RINL: variants seen among roughly 807,000 people sequenced by gnomAD.
The protein encoded by RINL is ras and Rab interactor-like protein.
Under a neutral mutation model 58.1 loss-of-function variants are expected in RINL, and 39 were observed. The ratio of observed to expected loss-of-function variants is 0.67; its 90% CI spans 0.52 to 0.88. RINL has a LOEUF of 0.88. Among genes scored for constraint, RINL ranks in the 40% least tolerant of loss-of-function variants. The pLI is 0.00. For missense variants in RINL, 711 were observed against 749.2 expected (o/e 0.95, Z 0.60); for synonymous variants, 286 against 323.1 (o/e 0.89, Z 1.23).
chr19:38,870,581 T>C lies in RINL; in HGVS notation c.1013A>G (p.Asp338Gly). The C allele has an allele frequency of 1.3e-6, 2 of 1,571,340 alleles. No individual in the cohort carries two copies. The highest frequency in any genetic ancestry group is 2.3e-5 in the South Asian group (2 of 85,846). ...AGTCCTCCCATTACCTGGATCCTCG[T>C]CCTTCTTGGGGAGCCCAGGACCCCT... ...GSRGPGLPKK[D>G]EDPGPALETA... Residue 338 changes from aspartate to glycine, a missense_variant, in exon 8 of 12, where the codon GAC becomes GGC. By Grantham distance (94) the Asp-to-Gly change is moderately conservative (BLOSUM62 -1). Transcript: ENST00000591812. The surrounding 1 kb of genome is among the most constrained non-coding windows in gnomAD (Gnocchi z 5.8).
At position 38,871,159 on chromosome 19, in the gene RINL, A is replaced by G. The variant is rs866790293; in HGVS notation, c.520T>C (p.Tyr174His). The G allele has an allele frequency of 6.2e-7, 1 of 1,613,664 alleles. No individual in the cohort carries two copies. The highest frequency in any genetic ancestry group is 8.5e-7 in the Non-Finnish European group (1 of 1,179,662). ...CCCCAGCCTCTGTGGGTCTCCAGGTAGAGCTGGTTCACAATGGAAAGCACC... is the reference window on the plus strand; with the variant it reads ...CCCCAGCCTCTGTGGGTCTCCAGGTGGAGCTGGTTCACAATGGAAAGCACC... ...GKVLSIVNQL[Y>H]LETHRGWGRE... Residue 174 changes from tyrosine to histidine, a missense_variant, in exon 7 of 12, where the codon TAC becomes CAC. Tyr to His is a moderately conservative substitution (Grantham distance 83, BLOSUM62 2). Coordinates refer to ENST00000591812, the MANE Select transcript of RINL (RefSeq NM_001195833.2).
At chr19:38,876,296 G>T (rs1204274359) in intron 3 of RINL, 35 bp downstream of exon 3, 7 of 1,520,832 alleles carry the variant, frequency 4.6e-6, no homozygotes, top group Non-Finnish European at 6.2e-6. Context: ...CCTAATCTAG[G>T]GTGTCAGGAT....
chr19:38,870,053 T>A lies in RINL; in HGVS notation c.1232A>T (p.His411Leu), dbSNP rs754247587. 1.3e-6 allele frequency: 2 copies of A among 1,538,504 alleles called. No homozygotes were observed. The highest frequency in any genetic ancestry group is 2.4e-5 in the South Asian group (2 of 83,880). ...SPAPALRSRIHERLAHLHAAC... is the reference protein window; with the variant it reads ...SPAPALRSRILERLAHLHAAC... ...AGCGTGGAGGTGCGCAAGGCGCTCG[T>A]GGATGCGGCTCCGCAAGGCGGGGGC... The change falls in exon 9 of 12, where the codon CAC (histidine) becomes CTC (leucine). Residue 411 changes from histidine (H) to leucine (L), a missense_variant. Coordinates refer to ENST00000591812, the MANE Select transcript of RINL (RefSeq NM_001195833.2). The surrounding 1 kb of genome is among the most constrained non-coding windows in gnomAD (Gnocchi z 5.8).
At chr19:38,874,339 C>T (rs928760187) in intron 3 of RINL, among the ~76,000 whole-genome samples, 3 of 151,982 alleles carry the variant, frequency 2.0e-5, no homozygotes, top group African/African-American at 7.3e-5. Context: ...GTGGCACAAT[C>T]TCTGCCCACT....
intron 4 of RINL, 93 bp from the exon 5 acceptor site, chr19:38,871,963 TC>T (rs879910688): frequency 6.3e-6 from 6 of 955,150 alleles, no homozygotes; most frequent in Admixed American, 2.0e-5. Context: ...TCCTTCAGAA[TC>T]CCCCCAGGGA....
rs751977959 is a variant in RINL at position 38,871,066 on chromosome 19, C to T, written c.601+12G>A. On this transcript the variant is annotated intron_variant, in intron 7 of 11. Coordinates refer to ENST00000591812, the MANE Select transcript of RINL (RefSeq NM_001195833.2). ...CCTCCCCTTCAGAGGCCCAGGGCCC[C>T]GCCCAGCTAACCTGGATCATGTCTC... 1.9e-6 allele frequency: 3 copies of T among 1,586,708 alleles called. No homozygotes were observed. Among genetic ancestry groups the T allele is most frequent in the Non-Finnish European group, 2.6e-6 (3 of 1,167,392 alleles).
chr19:38,869,368 A>C lies in RINL; in HGVS notation c.1517T>G (p.Ile506Ser). Residue 506 changes from isoleucine (I) to serine (S), a missense_variant, in exon 11 of 12, where the codon ATT becomes AGT. Transcript: ENST00000591812. This position sits in a 1 kb window ranked among gnomAD's most constrained non-coding sequence, Gnocchi z 5.7. ...GTCTGTTTCGGGCTGGTAGTGGGCA[A>C]TGTGGTGCAGCGCCCCAAACCACGT... ...LTTWFGALHH[I>S]AHYQPETDRA... 1.2e-6 allele frequency: 2 copies of C among 1,612,464 alleles called. No individual in the cohort carries two copies. Among genetic ancestry groups the C allele is most frequent in the Non-Finnish European group, 8.5e-7 (1 of 1,178,928 alleles).
In RINL at chr19:38,870,420, G is replaced by T; in HGVS notation, c.1024+150C>A. 9.5e-7 allele frequency: 1 copy of T among 1,049,052 alleles called. No individual in the cohort carries two copies. The highest frequency in any genetic ancestry group is 1.3e-6 in the Non-Finnish European group (1 of 749,416). The allele number at this position is 1,049,052 out of a possible 1,614,324, so 65.0% of individuals were successfully genotyped here. ...GAACATGTGTGGAAGAGTTAGCCTG[G>T]GTGTGAACTTGCGCGCATACGTGGG... On this transcript the variant is annotated intron_variant, in intron 8 of 11. Coordinates refer to ENST00000591812, the MANE Select transcript of RINL (RefSeq NM_001195833.2). This position sits in a 1 kb window ranked among gnomAD's most constrained non-coding sequence, Gnocchi z 5.8.
intron 3 of RINL, among the ~76,000 whole-genome samples, chr19:38,875,212 T>C (rs1972896049): frequency 1.3e-5 from 2 of 148,902 alleles, no homozygotes; most frequent in South Asian, 2.1e-4. Flanking sequence ...TTTTTCTTTT[T>C]TCTTTTTTTT....
In RINL at chr19:38,870,545, G is replaced by T. The variant is rs1393859312; in HGVS notation, c.1024+25C>A. The T allele has an allele frequency of 1.3e-6, 2 of 1,528,528 alleles. No homozygotes were observed. Among genetic ancestry groups the T allele is most frequent in the African/African-American group, 1.4e-5 (1 of 72,030 alleles). 94.7% of individuals were successfully genotyped at this position (1,528,528 alleles called of 1,614,324 possible). On this transcript the variant is annotated intron_variant, in intron 8 of 11. Coordinates refer to ENST00000591812, the MANE Select transcript of RINL (RefSeq NM_001195833.2). The surrounding 1 kb of genome is among the most constrained non-coding windows in gnomAD (Gnocchi z 5.8). ...GAAGTTGCACACTTGAACCCGTGGG[G>T]GCTCCCTTCCAGTCCTCCCATTACC...
In RINL at chr19:38,870,991, G is replaced by T; in HGVS notation, c.603C>A (p.Ala201=). ...EPEAAQRHDP[A]PRNPAPHGVS... ...CCCCGTGAGGCGCAGGGTTCCTGGG[G>T]GCTGGAAGTGAGGAGGGCATTCGGT... is the stretch of plus-strand genomic sequence containing the variant. Residue 201 remains alanine (A), a splice_region_variant and synonymous_variant, in exon 8 of 12, where the codon GCC becomes GCA. Coordinates refer to ENST00000591812, the MANE Select transcript of RINL (RefSeq NM_001195833.2). The surrounding 1 kb of genome is among the most constrained non-coding windows in gnomAD (Gnocchi z 5.8). 6.3e-7 allele frequency: 1 copy of T among 1,594,540 alleles called. No individual in the cohort carries two copies. Among genetic ancestry groups the T allele is most frequent in the Non-Finnish European group, 8.5e-7 (1 of 1,172,652 alleles).
Position 38,871,073 on chromosome 19 carries a change from C to A in RINL, c.601+5G>T. 6.3e-7 allele frequency: 1 copy of A among 1,592,062 alleles called. No individual in the cohort carries two copies. The highest frequency in any genetic ancestry group is 8.5e-7 in the Non-Finnish European group (1 of 1,169,900). On this transcript the variant is annotated splice_donor_5th_base_variant and intron_variant, in intron 7 of 11. Transcript: ENST00000591812. ...TTCAGAGGCCCAGGGCCCCGCCCAG[C>A]TAACCTGGATCATGTCTCTGAGCAG... is the stretch of plus-strand genomic sequence containing the variant.
intron 4 of RINL, among the ~76,000 whole-genome samples, chr19:38,872,698 A>G (rs924662188): frequency 1.3e-5 from 2 of 151,614 alleles, no homozygotes; most frequent in African/African-American, 4.8e-5. Flanking sequence ...ACATGGCAAA[A>G]CCCATCTCTA....
chr19:38,874,619 G>T (rs1972880714), intron 3 of RINL, among the ~76,000 whole-genome samples: 1 of 152,184 alleles, frequency 6.6e-6, no homozygotes, highest in South Asian at 2.1e-4. Context: ...TTGCTAAACT[G>T]GTGGGATACA....
intron 3 of RINL, among the ~76,000 whole-genome samples, chr19:38,875,274 C>G (rs1368588060): frequency 7.0e-6 from 1 of 142,392 alleles, no homozygotes; most frequent in African/African-American, 2.6e-5. Flanking sequence ...TGGTCTTGAA[C>G]TCCTAGGCTT....
chr19:38,876,769 C>G lies in RINL; in HGVS notation c.-27G>C. 1 of 1,531,848 alleles carries G rather than the reference C, an allele frequency of 6.5e-7. No individual in the cohort carries two copies. The highest frequency in any genetic ancestry group is 1.2e-5 in the South Asian group (1 of 83,956). 94.9% of individuals were successfully genotyped at this position (1,531,848 alleles called of 1,614,324 possible). On this transcript the variant is annotated 5_prime_UTR_variant, in exon 2 of 12. An upstream start codon of the reference 5' UTR is lost. Transcript: ENST00000591812. The stretch of plus-strand genomic sequence containing the variant: ...GTCAGGTTGCAGGAAGCCAGTGAGT[C>G]ATGACCTGGCCTCTGGCAGGGAGAA...
Position 38,870,852 on chromosome 19 carries a change from C to T in RINL, c.742G>A (p.Asp248Asn). 2.5e-6 allele frequency: 4 copies of T among 1,606,834 alleles called. No individual in the cohort carries two copies. In the South Asian group the frequency reaches 3.3e-5, roughly 13 times the overall value. The change falls in exon 8 of 12, where the codon GAC (aspartate) becomes AAC (asparagine). Residue 248 changes from aspartate to asparagine, a missense_variant. Physicochemically the swap from Asp to Asn is conservative, Grantham distance 23. Transcript: ENST00000591812. This position sits in a 1 kb window ranked among gnomAD's most constrained non-coding sequence, Gnocchi z 5.8. ...DLEGKEEGRE[D>N]DPEEEGPEDV... Reference sequence around the variant, plus strand: ...TCAGGGCCTTCCTCTTCAGGGTCGTCCTCCCTTCCTTCCTCCTTTCCTTCA... The same window carrying T: ...TCAGGGCCTTCCTCTTCAGGGTCGTTCTCCCTTCCTTCCTCCTTTCCTTCA...
Position 38,869,798 on chromosome 19 carries a change from G to A in RINL, c.1343-94C>T, listed in dbSNP as rs879111298. The A allele has an allele frequency of 6.4e-7, 1 of 1,569,108 alleles. No homozygotes were observed. Among genetic ancestry groups the A allele is most frequent in the African/African-American group, 1.4e-5 (1 of 73,688 alleles). On this transcript the variant is annotated intron_variant, in intron 9 of 11. Coordinates refer to ENST00000591812, the MANE Select transcript of RINL (RefSeq NM_001195833.2). The surrounding 1 kb of genome is among the most constrained non-coding windows in gnomAD (Gnocchi z 5.7). ...ATCCCCAGGACCACGAGGGCTGGCT[G>A]CCCCTCCACCTTGTCGGGCATGACA...
chr19:38,871,292 G>T (rs1972809768), intron 6 of RINL, 65 bp from the exon 7 acceptor site: 3 of 1,572,548 alleles, frequency 1.9e-6, no homozygotes, highest in Non-Finnish European at 8.7e-7. Flanking sequence ...TCCCCTCAAG[G>T]CGCCAGGAGA....
Sources: allele counts gnomAD v4.1 joint callset (sites outside exome capture counted in the v4.1 genomes callset), GRCh38; gene constraint gnomAD v4.1.1; non-coding constraint Gnocchi (gnomAD v3.1); transcripts MANE v1.5; gene names NCBI Gene and HGNC (gene_info 2026-07-23, HGNC 2026-07-21).